The following TFCP2L1 variants were observed in gnomAD, a reference collection of about 807,000 sequenced individuals.
TFCP2L1 encodes the protein transcription factor CP2-like protein 1.
TFCP2L1 carries 12 observed loss-of-function variants against 72.2 expected under a neutral mutation model. The observed-to-expected ratio is 0.17, with a 90% CI of 0.11 to 0.27. The LOEUF (loss-of-function observed/expected upper bound fraction) is 0.27, where lower values mean the gene tolerates loss of function less well. Among genes scored for constraint, TFCP2L1 ranks in the 10% least tolerant of loss-of-function variants. TFCP2L1 has a pLI of 1.00. For synonymous variants in TFCP2L1, 260 were observed against 251.0 expected (o/e 1.04, Z -0.34); for missense variants, 488 against 624.6 (o/e 0.78, Z 2.33).
At chr2:121,228,894 C>T (rs1158641858) in intron 13 of TFCP2L1, among the ~76,000 whole-genome samples, 11 of 144,516 alleles carry the variant, frequency 7.6e-5, no homozygotes, top group African/African-American at 2.2e-4. Context: ...TGTATGGCTG[C>T]GTGTTTGCTG....
At chr2:121,285,007 G>A (rs1195926620) in intron 1 of TFCP2L1, 41 bp downstream of exon 1, 3 of 1,444,676 alleles carry the variant, frequency 2.1e-6, no homozygotes, top group East Asian at 3.1e-5. Context: ...CCGGCCCGCC[G>A]GCCCGGCCCG....
At chr2:121,244,287 C>A (rs958798485) in intron 6 of TFCP2L1, among the ~76,000 whole-genome samples, 6 of 152,220 alleles carry the variant, frequency 3.9e-5, no homozygotes, top group African/African-American at 1.4e-4. Context: ...TGACACCCCA[C>A]ACACAGTCCC....
chr2:121,255,715 G>C (rs1686701757), intron 2 of TFCP2L1, among the ~76,000 whole-genome samples: 1 of 152,050 alleles, frequency 6.6e-6, no homozygotes, highest in Non-Finnish European at 1.5e-5. Flanking sequence ...AATATTCAAG[G>C]AGTGTATCTA....
At chr2:121,225,981 C>T (rs111531233) in intron 13 of TFCP2L1, among the ~76,000 whole-genome samples, 15 of 107,426 alleles carry the variant, frequency 1.4e-4, no homozygotes, top group Non-Finnish European at 1.3e-4. Context: ...TGCCACGGTG[C>T]CCACACACAC....
At chr2:121,237,526 A>T in intron 10 of TFCP2L1, 97 bp downstream of exon 10, 1 of 1,370,660 alleles carries the variant, frequency 7.3e-7, no homozygotes, top group Non-Finnish European at 1.0e-6. Flanking sequence ...CTGAAACGAC[A>T]GCGCTGCCAG....
chr2:121,263,469 CAAAAAAA>C (rs10603088), intron 2 of TFCP2L1, among the ~76,000 whole-genome samples: 6 of 67,518 alleles, frequency 8.9e-5, no homozygotes, highest in African/African-American at 3.3e-4. Context: ...CTGTTTTTGG[CAAAAAAA>C]AAAAAAAAAA....
Position 121,248,251 on chromosome 2 carries a change from A to G in TFCP2L1, c.417T>C (p.Gly139=). 6.2e-7 allele frequency: 1 copy of G among 1,613,954 alleles called. No homozygotes were observed. Among genetic ancestry groups the G allele is most frequent in the East Asian group, 2.2e-5 (1 of 44,876 alleles). The stretch of plus-strand genomic sequence containing the variant: ...TCGGGCTGGCCCTGGGGTCCAAGAT[A>G]CCAACAGACAGTGGAATATCTGCAT... ...ILDIDIPLSV[G]ILDPRASPTQ... The change falls in exon 5 of 15, where the codon GGT becomes GGC. Residue 139 remains glycine, a synonymous_variant. Transcript: ENST00000263707.
intron 7 of TFCP2L1, among the ~76,000 whole-genome samples, chr2:121,241,849 CTAA>C (rs1334684997): frequency 6.6e-6 from 1 of 151,912 alleles, no homozygotes; most frequent in African/African-American, 2.4e-5. Context: ...CCAAGATAAG[CTAA>C]TAATGGAAAA....
rs377105409 is a variant in TFCP2L1, at chr2:121,284,456, A to G, written c.62+592T>C. Among the ~76,000 whole-genome samples, 83 of 152,364 alleles carry G rather than the reference A, an allele frequency of 5.4e-4. 1 individual carries two copies. Among genetic ancestry groups the G allele is most frequent in the African/African-American group, 1.9e-3 (80 of 41,590 alleles). ...TGAAGGGCACTACTCAAATCCCTCC[A>G]GCAGAAGAAAGATTTCCATCAAGGG... On this transcript the variant is annotated intron_variant, in intron 1 of 14. Transcript: ENST00000263707.
chr2:121,269,247 G>T (rs35247921), intron 2 of TFCP2L1, among the ~76,000 whole-genome samples: 1 of 151,840 alleles, frequency 6.6e-6, no homozygotes, highest in Admixed American at 6.6e-5. Context: ...CCAAGAGTTC[G>T]AGACCAGCCT....
intron 2 of TFCP2L1, among the ~76,000 whole-genome samples, chr2:121,267,596 C>T (rs1363072078): frequency 1.3e-5 from 2 of 151,778 alleles, no homozygotes; most frequent in South Asian, 2.1e-4. Flanking sequence ...CGGATACAAG[C>T]GATTCTCCTG....
intron 10 of TFCP2L1, 41 bp downstream of exon 10, chr2:121,237,582 A>C (rs1430732153): frequency 1.9e-6 from 3 of 1,609,808 alleles, no homozygotes; most frequent in Admixed American, 1.7e-5. Context: ...AAGTGTCTCC[A>C]AGATACTCAT....
Position 121,238,902 on chromosome 2 carries a change from T to C in TFCP2L1, c.860+656A>G, listed in dbSNP as rs564369515. 4.6e-5 allele frequency among the ~76,000 whole-genome samples: 7 copies of C among 152,158 alleles called. No individual in the cohort carries two copies. In the East Asian group the frequency reaches 7.8e-4, roughly 17 times the overall value. ...AAAGTTCTGTCTGCCAAGCATGGGC[T>C]CTGACGAACCTGCAAGCAGAAAACA... On this transcript the variant is annotated intron_variant, in intron 8 of 14. Transcript: ENST00000263707.
chr2:121,242,565 G>C, intron 6 of TFCP2L1, 96 bp from the exon 7 acceptor site: 2 of 1,171,522 alleles, frequency 1.7e-6, no homozygotes, highest in African/African-American at 3.0e-5. Flanking sequence ...GGGCCCCAGG[G>C]CGCAGGGAGG....
At chr2:121,272,956 T>C (rs181603454) in intron 2 of TFCP2L1, among the ~76,000 whole-genome samples, 10 of 152,276 alleles carry the variant, frequency 6.6e-5, no homozygotes. Flanking sequence ...ATCACTCATA[T>C]TTCCCCTTGT....
chr2:121,285,168 C>A lies in TFCP2L1; in HGVS notation c.-59G>T, dbSNP rs532683988. 1.2e-5 allele frequency: 17 copies of A among 1,379,004 alleles called. No homozygotes were observed. In the Admixed American group the frequency reaches 1.4e-4, roughly 11 times the overall value. 85.4% of individuals were successfully genotyped at this position (1,379,004 alleles called of 1,614,324 possible). A position where few individuals can be genotyped will look rare whatever the true frequency, so the allele number is the denominator to read the frequency against. The stretch of plus-strand genomic sequence containing the variant: ...GCAGCAAGCGCAGACGCGGGGCGCG[C>A]CGAGGACCCAGCGGCGGCTTCGCGC... On this transcript the variant is annotated 5_prime_UTR_variant, in exon 1 of 15. Transcript: ENST00000263707.
chr2:121,254,614 A>G (rs1415719366), intron 2 of TFCP2L1, among the ~76,000 whole-genome samples: 1 of 152,182 alleles, frequency 6.6e-6, no homozygotes, highest in African/African-American at 2.4e-5. Context: ...CATGGCCAAC[A>G]TGGCGAAACC....
rs550831901 is a variant in TFCP2L1 at position 121,267,811 on chromosome 2, A to G, written c.214+13309T>C. Among the ~76,000 whole-genome samples, 7 of 152,146 alleles carry G rather than the reference A, an allele frequency of 4.6e-5. No individual in the cohort carries two copies. The South Asian group carries it at 1.4e-3, about 32-fold the overall frequency. ...ACGCCCAGCCCTAAAAATCATGTCT[A>G]TGTGCTATAAGCTGTGATAAGCAAT... On this transcript the variant is annotated intron_variant, in intron 2 of 14. Transcript: ENST00000263707.
chr2:121,285,144 C>G lies in TFCP2L1; in HGVS notation c.-35G>C. On this transcript the variant is annotated 5_prime_UTR_variant, in exon 1 of 15. Transcript: ENST00000263707. ...TCCCAGCGCGCCGACCGGGGCGCGG[C>G]AGCAAGCGCAGACGCGGGGCGCGCC... is the stretch of plus-strand genomic sequence containing the variant. 4.8e-6 allele frequency: 7 copies of G among 1,460,234 alleles called. No homozygotes were observed. The highest frequency in any genetic ancestry group is 6.3e-6 in the Non-Finnish European group (7 of 1,102,828). The allele number at this position is 1,460,234 out of a possible 1,614,324, so 90.5% of individuals were successfully genotyped here.
Sources: allele counts gnomAD v4.1 joint callset (sites outside exome capture counted in the v4.1 genomes callset), GRCh38; gene constraint gnomAD v4.1.1; transcripts MANE v1.5; gene names NCBI Gene and HGNC (gene_info 2026-07-23, HGNC 2026-07-21).